PTPRD: variants seen among roughly 807,000 people sequenced by gnomAD.
PTPRD encodes protein tyrosine phosphatase receptor type D.
Under a neutral mutation model 214.5 loss-of-function variants are expected in PTPRD, and 34 were observed. The ratio of observed to expected loss-of-function variants is 0.16; its 90% CI spans 0.12 to 0.21. The LOEUF (loss-of-function observed/expected upper bound fraction) is 0.21. PTPRD is among the 10% of genes least tolerant of loss of function. PTPRD has a pLI of 1.00. For synonymous variants in PTPRD, 1,128 were observed against 845.7 expected (o/e 1.33, Z -5.79); for missense variants, 2,545 against 2,398.7 (o/e 1.06, Z -1.27).
intron 11 of PTPRD, among the ~76,000 whole-genome samples, chr9:8,767,811 G>A (rs2094878897): frequency 6.6e-6 from 1 of 152,094 alleles, no homozygotes; most frequent in Admixed American, 6.6e-5. Context: ...TGATTCCAAT[G>A]TATAACTTAA....
intron 14 of PTPRD, among the ~76,000 whole-genome samples, chr9:8,603,278 A>C (rs1174814468): frequency 6.6e-6 from 1 of 152,190 alleles, no homozygotes; most frequent in Non-Finnish European, 1.5e-5. Flanking sequence ...TTATTAGATT[A>C]AACTGGATTT....
intron 3 of PTPRD, among the ~76,000 whole-genome samples, chr9:10,258,993 GTTGT>G (rs1486198230): frequency 4.6e-5 from 7 of 151,956 alleles, no homozygotes; most frequent in Non-Finnish European, 1.0e-4. Flanking sequence ...TGTTGTTGTT[GTTGT>G]TTGTTTCTTT....
chr9:9,985,940 T>G (rs1335444344), intron 4 of PTPRD, among the ~76,000 whole-genome samples: 2 of 152,148 alleles, frequency 1.3e-5, no homozygotes, highest in Non-Finnish European at 2.9e-5. Flanking sequence ...TTGAAAACTC[T>G]GAAAATAACT....
At chr9:9,461,265 C>A (rs564285688) in intron 8 of PTPRD, among the ~76,000 whole-genome samples, 1 of 151,924 alleles carries the variant, frequency 6.6e-6, no homozygotes, top group South Asian at 2.1e-4. Flanking sequence ...GAAGCCCAAA[C>A]CCCAGCATTA....
At position 9,535,391 on chromosome 9, in the gene PTPRD, A is replaced by T. The variant is rs935727220; in HGVS notation, c.-237+39341T>A. Among the ~76,000 whole-genome samples the T allele has an allele frequency of 2.6e-5, 4 of 152,232 alleles. No homozygotes were observed. In the East Asian group the frequency reaches 5.8e-4, roughly 22 times the overall value. On this transcript the variant is annotated intron_variant, in intron 8 of 45. Transcript: ENST00000381196. Reference sequence around the variant, plus strand: ...AAAGACAGCATAACACATGAACTTCATTGAAAGGTTGTGAACCTATTACCA... The same window carrying T: ...AAAGACAGCATAACACATGAACTTCTTTGAAAGGTTGTGAACCTATTACCA...
At chr9:8,339,466 G>A (rs1588082395) in intron 42 of PTPRD, among the ~76,000 whole-genome samples, 1 of 152,220 alleles carries the variant, frequency 6.6e-6, no homozygotes, top group East Asian at 1.9e-4. Context: ...AGAACCATCA[G>A]TATGGACATA....
chr9:9,000,300 C>T (rs899991071), intron 11 of PTPRD, among the ~76,000 whole-genome samples: 2 of 151,982 alleles, frequency 1.3e-5, no homozygotes, highest in African/African-American at 4.8e-5. Flanking sequence ...GCAACAGCAC[C>T]ATCCTCTGAC....
chr9:9,691,627 T>C (rs2154403966), intron 7 of PTPRD, among the ~76,000 whole-genome samples: 1 of 152,192 alleles, frequency 6.6e-6, no homozygotes, highest in East Asian at 1.9e-4. Flanking sequence ...TTCCTTTCTT[T>C]TGGGTTTATA....
intron 37 of PTPRD, among the ~76,000 whole-genome samples, chr9:8,386,035 A>G (rs555937566): frequency 6.6e-6 from 1 of 152,310 alleles, no homozygotes; most frequent in East Asian, 1.9e-4. Context: ...TTGTCACTGT[A>G]AAGCCCCCAA....
chr9:10,364,245 C>T (rs2097466571), intron 2 of PTPRD, among the ~76,000 whole-genome samples: 1 of 152,076 alleles, frequency 6.6e-6, no homozygotes, highest in African/African-American at 2.4e-5. Flanking sequence ...TCGTGATCCG[C>T]CTGTCTTGGC....
chr9:9,251,861 C>T (rs1351333117), intron 9 of PTPRD, among the ~76,000 whole-genome samples: 1 of 152,094 alleles, frequency 6.6e-6, no homozygotes, highest in Admixed American at 6.6e-5. Context: ...CTGCAGCAGT[C>T]TTAACTACGC....
At position 10,523,601 on chromosome 9, in the gene PTPRD, G is replaced by GTGTATATATA. The variant is rs1459526758; in HGVS notation, c.-600+88796_-600+88797insTATATATACA. Among the ~76,000 whole-genome samples the GTGTATATATA allele has an allele frequency of 4.7e-5, 3 of 64,338 alleles. 1 individual carries two copies. Among genetic ancestry groups the GTGTATATATA allele is most frequent in the Non-Finnish European group, 3.2e-5 (1 of 31,338 alleles). The allele number at this position is 64,338 out of a possible 152,430, so 42.2% of individuals were successfully genotyped here. On this transcript the variant is annotated intron_variant, in intron 2 of 45. Coordinates refer to ENST00000381196, the MANE Select transcript of PTPRD (RefSeq NM_002839.4). The stretch of plus-strand genomic sequence containing the variant: ...CAATATTTTTCAAGTATATTTATCT[G>GTGTATATATA]TATATATATATATATATATATAGAC...
intron 3 of PTPRD, among the ~76,000 whole-genome samples, chr9:10,285,605 CT>C (rs34225956): frequency 0.079 from 8,189 of 103,948 alleles, 141 homozygotes; most frequent in Non-Finnish European, 0.11. Flanking sequence ...GGGGTCTCAT[CT>C]TTTTTTTTTT....
intron 12 of PTPRD, among the ~76,000 whole-genome samples, chr9:8,657,613 T>C (rs2154351106): frequency 6.6e-6 from 1 of 152,352 alleles, no homozygotes; most frequent in East Asian, 1.9e-4. Context: ...GGATAATAGT[T>C]TCTTTTGCTG....
At chr9:9,928,376 T>C (rs1236643913) in intron 5 of PTPRD, among the ~76,000 whole-genome samples, 1 of 152,166 alleles carries the variant, frequency 6.6e-6, no homozygotes, top group African/African-American at 2.4e-5. Context: ...CTTGAGTTTT[T>C]GTCCAGAACT....
intron 5 of PTPRD, among the ~76,000 whole-genome samples, chr9:9,847,814 C>T (rs2059819309): frequency 6.6e-6 from 1 of 151,948 alleles, no homozygotes; most frequent in Non-Finnish European, 1.5e-5. Context: ...GGAGCTGAGC[C>T]CTCAGGCTGG....
intron 3 of PTPRD, among the ~76,000 whole-genome samples, chr9:10,126,424 TATACACACACACACAC>T (rs1159210508): frequency 1.5e-5 from 2 of 130,938 alleles, no homozygotes; most frequent in Non-Finnish European, 3.3e-5. Flanking sequence ...CTGTTTTATA[TATACACACACACACAC>T]ACACACACAC....
intron 9 of PTPRD, among the ~76,000 whole-genome samples, chr9:9,330,812 C>T (rs1049958753): frequency 1.3e-5 from 2 of 150,988 alleles, no homozygotes; most frequent in Non-Finnish European, 2.9e-5. Context: ...TACTAATTCA[C>T]TTTTTTTCTA....
intron 7 of PTPRD, among the ~76,000 whole-genome samples, chr9:9,607,872 C>T (rs182692423): frequency 5.3e-4 from 79 of 148,210 alleles, no homozygotes; most frequent in Non-Finnish European, 8.8e-4. Flanking sequence ...TAGTGACTGA[C>T]AAAAAAAAAA....
Sources: allele counts gnomAD v4.1 joint callset (sites outside exome capture counted in the v4.1 genomes callset), GRCh38; gene constraint gnomAD v4.1.1; transcripts MANE v1.5; gene names NCBI Gene and HGNC (gene_info 2026-07-23, HGNC 2026-07-21).